Variants in SEMA6D observed in about 807,000 individuals in gnomAD.
The protein encoded by SEMA6D is semaphorin 6D, also known as semaphorin-6D.
In SEMA6D, 35 loss-of-function variants were observed where a neutral mutation model predicts 106.6. The observed-to-expected ratio is 0.33, with a 90% CI of 0.25 to 0.44. The LOEUF (loss-of-function observed/expected upper bound fraction) is 0.44. Ranked by LOEUF, SEMA6D falls within the 20% of genes least tolerant of loss-of-function variation. The probability of loss-of-function intolerance (pLI) is 1.00; values close to 1 mark genes in which losing one functional copy is unlikely to be tolerated. For missense variants in SEMA6D, 1,185 were observed against 1,345.9 expected (o/e 0.88, Z 1.87); for synonymous variants, 499 against 487.7 (o/e 1.02, Z -0.31).
At chr15:47,699,822 A>G (rs1041573281) in intron 4 of SEMA6D, among the ~76,000 whole-genome samples, 2 of 152,244 alleles carry the variant, frequency 1.3e-5, no homozygotes, top group African/African-American at 4.8e-5. Flanking sequence ...CAATAAAAAC[A>G]ATAATATGAA....
intron 4 of SEMA6D, among the ~76,000 whole-genome samples, chr15:47,700,677 G>A (rs2078792228): frequency 1.3e-5 from 2 of 152,220 alleles, no homozygotes; most frequent in South Asian, 4.1e-4. Context: ...GTAGTCCTTG[G>A]TATTTGGGAG....
At chr15:47,317,609 A>G (rs181224709) in intron 1 of SEMA6D, among the ~76,000 whole-genome samples, 63 of 152,262 alleles carry the variant, frequency 4.1e-4, no homozygotes, top group Admixed American at 7.8e-4. Flanking sequence ...TTTGAAGAAT[A>G]ATTTTGCAGG....
At chr15:47,760,219 C>A in intron 2 of SEMA6D, 85 bp from the exon 3 acceptor site, 1 of 903,626 alleles carries the variant, frequency 1.1e-6, no homozygotes, top group Non-Finnish European at 1.7e-6. Flanking sequence ...CCTTCTACAA[C>A]AAGTATATAC....
chr15:47,293,454 G>A (rs192050398), intron 1 of SEMA6D, among the ~76,000 whole-genome samples: 121 of 152,258 alleles, frequency 7.9e-4, no homozygotes, highest in Non-Finnish European at 1.4e-3. Flanking sequence ...CCTTGGTGTC[G>A]AGAGGTGGCT....
Position 47,684,013 on chromosome 15 carries a change from T to C in SEMA6D, c.-54-75732T>C, listed in dbSNP as rs190469615. Among the ~76,000 whole-genome samples, 91 of 152,318 alleles carry C rather than the reference T, an allele frequency of 6.0e-4. 1 individual carries two copies. The highest frequency in any genetic ancestry group is 5.4e-3 in the Admixed American group (83 of 15,302). Reference sequence around the variant, plus strand: ...AAGGATGGATTATGTTTTGTATCAATTGATATGGAGTCATCTTCAAGATGG... The same window carrying C: ...AAGGATGGATTATGTTTTGTATCAACTGATATGGAGTCATCTTCAAGATGG... On this transcript the variant is annotated intron_variant, in intron 4 of 19. Coordinates refer to the SEMA6D transcript ENST00000558014.
chr15:47,590,363 C>T (rs1042994987), intron 3 of SEMA6D, among the ~76,000 whole-genome samples: 3 of 146,376 alleles, frequency 2.0e-5, no homozygotes, highest in Admixed American at 1.4e-4. Flanking sequence ...GGGAACATCA[C>T]ACACCAGGGC....
chr15:47,293,923 AG>A (rs1268072421), intron 1 of SEMA6D, among the ~76,000 whole-genome samples: 7 of 152,200 alleles, frequency 4.6e-5, no homozygotes, highest in African/African-American at 1.7e-4. Context: ...GAGCTTTGTC[AG>A]TCCAAAAAAT....
At chr15:47,717,794 T>TGTGTGTGCGCGC (rs1379079967) in intron 1 of SEMA6D, 102 bp downstream of exon 1, 1 of 132,912 alleles carries the variant, frequency 7.5e-6, no homozygotes, top group African/African-American at 3.7e-5. Context: ...TGTGTGTGTG[T>TGTGTGTGCGCGC]GCGCGCGGTG....
At chr15:47,413,405 G>A (rs1324371163) in intron 2 of SEMA6D, among the ~76,000 whole-genome samples, 5 of 151,992 alleles carry the variant, frequency 3.3e-5, no homozygotes, top group Admixed American at 2.6e-4. Flanking sequence ...CTTCCTTTAA[G>A]CCAGATCATC....
intron 1 of SEMA6D, among the ~76,000 whole-genome samples, chr15:47,284,413 A>G (rs1320749171): frequency 6.6e-6 from 1 of 152,220 alleles, no homozygotes; most frequent in Non-Finnish European, 1.5e-5. Flanking sequence ...ACATAAGTTT[A>G]TTATGATGGT....
At chr15:47,351,264 T>G (rs571001749) in intron 1 of SEMA6D, among the ~76,000 whole-genome samples, 1 of 152,330 alleles carries the variant, frequency 6.6e-6, no homozygotes, top group East Asian at 1.9e-4. Flanking sequence ...TCCCTATCTC[T>G]GGATAGATAA....
chr15:47,377,188 T>C (rs1307721341), intron 1 of SEMA6D, among the ~76,000 whole-genome samples: 1 of 152,216 alleles, frequency 6.6e-6, no homozygotes, highest in Non-Finnish European at 1.5e-5. Context: ...ATGATAGTAA[T>C]AATCTAATTT....
intron 4 of SEMA6D, among the ~76,000 whole-genome samples, chr15:47,690,138 C>A (rs72735838): frequency 0.064 from 9,758 of 152,182 alleles, 364 homozygotes; most frequent in African/African-American, 0.097. Flanking sequence ...GGTGTTTAGC[C>A]CATTGATGAA....
chr15:47,339,103 C>T (rs893308677), intron 1 of SEMA6D: 4 of 152,208 alleles, frequency 2.6e-5, no homozygotes, highest in East Asian at 1.9e-4. Context: ...TAGCTGAACA[C>T]GTGGAGGTTC....
intron 4 of SEMA6D, among the ~76,000 whole-genome samples, chr15:47,686,902 TA>T (rs2078481376): frequency 6.6e-6 from 1 of 151,492 alleles, no homozygotes; most frequent in Non-Finnish European, 1.5e-5. Context: ...CCCATCTCTA[TA>T]AAAAATGAAA....
At chr15:47,481,452 C>A (rs16959561) in intron 3 of SEMA6D, among the ~76,000 whole-genome samples, 1 of 152,106 alleles carries the variant, frequency 6.6e-6, no homozygotes, top group Non-Finnish European at 1.5e-5. Context: ...TTTTTAGACA[C>A]CTGAACCCCA....
chr15:47,638,954 A>C (rs9302134), intron 4 of SEMA6D, among the ~76,000 whole-genome samples: 2,982 of 152,206 alleles, frequency 0.02, 109 homozygotes, highest in African/African-American at 0.068. Context: ...ACCACTTCTG[A>C]TATTCTTCTG....
intron 3 of SEMA6D, among the ~76,000 whole-genome samples, chr15:47,510,210 A>G (rs2044181248): frequency 1.3e-5 from 2 of 152,202 alleles, no homozygotes; most frequent in African/African-American, 4.8e-5. Flanking sequence ...CAGCTGTGTC[A>G]TTAGATTCTC....
intron 1 of SEMA6D, among the ~76,000 whole-genome samples, chr15:47,329,780 G>T (rs1299355984): frequency 6.6e-6 from 1 of 152,150 alleles, no homozygotes; most frequent in Non-Finnish European, 1.5e-5. Flanking sequence ...GGAACTATCT[G>T]TGTTTTTTAA....
Sources: gnomAD v4.1 joint callset for allele counts (sites outside exome capture counted in the v4.1 genomes callset) on GRCh38, gnomAD v4.1.1 for gene constraint, MANE v1.5 for transcripts, NCBI Gene and HGNC (gene_info 2026-07-23, HGNC 2026-07-21) for gene names.